RADX: variants seen among roughly 807,000 people sequenced by gnomAD.
The protein encoded by RADX is RPA1 related single stranded DNA binding protein, X-linked, also known as RPA-related protein RADX.
RADX carries 36 observed loss-of-function variants against 61.6 expected under a neutral mutation model. The observed-to-expected ratio is 0.58, with a 90% CI of 0.45 to 0.77. RADX has a LOEUF of 0.77. RADX is among the 30% of genes least tolerant of loss of function. RADX has a pLI of 0.00. For missense variants in RADX, 497 were observed against 651.1 expected (o/e 0.76, Z 2.58); for synonymous variants, 272 against 237.9 (o/e 1.14, Z -1.32).
intron 11 of RADX, among the ~76,000 whole-genome samples, chrX:106,661,302 A>G (rs1407220889): frequency 2.2e-4 from 24 of 110,605 alleles, no homozygotes; most frequent in Non-Finnish European, 3.8e-5. Context: ...TTTGTTTTCC[A>G]TAAAGGAGTG....
intron 1 of RADX, among the ~76,000 whole-genome samples, chrX:106,612,970 C>CT: frequency 9.0e-6 from 1 of 111,507 alleles, no homozygotes; most frequent in Middle Eastern, 4.6e-3. Flanking sequence ...GTGTGTTTGA[C>CT]TACATCTTAA....
intron 12 of RADX, 67 bp downstream of exon 12, chrX:106,662,372 T>C (rs1928123057): frequency 2.0e-6 from 2 of 1,007,194 alleles, no homozygotes; most frequent in Admixed American, 6.2e-5. Flanking sequence ...CTATTTCGCT[T>C]TAAAAATTTA....
rs146262370 is a variant in RADX at position 106,645,988 on chromosome X, C to T, written c.1905-2325C>T. Among the ~76,000 whole-genome samples, 60 of 110,418 alleles carry T rather than the reference C, an allele frequency of 5.4e-4. No homozygotes were observed. In the East Asian group the frequency reaches 9.4e-3, roughly 17 times the overall value. ...TTATATTGTCTTGCTGGATTGACTC[C>T]TTTATCATTATATAGTGATCTTCTT... On this transcript the variant is annotated intron_variant, in intron 10 of 13. Coordinates refer to ENST00000372548, the MANE Select transcript of RADX (RefSeq NM_018015.6).
intron 1 of RADX, 66 bp downstream of exon 1, chrX:106,612,789 G>C: frequency 9.5e-7 from 1 of 1,056,817 alleles, no homozygotes. Flanking sequence ...TGCGTGAACG[G>C]GAAAGGAAAT....
intron 11 of RADX, among the ~76,000 whole-genome samples, chrX:106,659,100 T>C (rs1353540403): frequency 9.0e-6 from 1 of 110,860 alleles, no homozygotes; most frequent in Non-Finnish European, 1.9e-5. Flanking sequence ...GATGGAACCA[T>C]AGGTGTGTGC....
intron 2 of RADX, among the ~76,000 whole-genome samples, chrX:106,624,331 T>C (rs1448306502): frequency 9.0e-6 from 1 of 111,608 alleles, no homozygotes; most frequent in Non-Finnish European, 1.9e-5. Flanking sequence ...TACCTGTTAA[T>C]AGATTTGCTA....
chrX:106,659,965 AT>A (rs1928048847), intron 11 of RADX, among the ~76,000 whole-genome samples: 1 of 111,988 alleles, frequency 8.9e-6, no homozygotes, highest in Non-Finnish European at 1.9e-5. Context: ...TAAATACTTA[AT>A]TTTTAAAAAT....
In RADX at chrX:106,648,435, A is replaced by G. The variant is rs4090776; in HGVS notation, c.1978+49A>G. 127 of 854,687 alleles carry G rather than the reference A, an allele frequency of 1.5e-4. No individual in the cohort carries two copies. In the East Asian group the frequency reaches 3.8e-3, roughly 25 times the overall value. The allele number at this position is 854,687 out of a possible 1,213,427, so 70.4% of individuals were successfully genotyped here. On this transcript the variant is annotated intron_variant, in intron 11 of 13. Coordinates refer to ENST00000372548, the MANE Select transcript of RADX (RefSeq NM_018015.6). ...ATTTATGAAAACTTTATGAAACATT[A>G]TTCTATGAAGATTACTATTTAATTA... is the stretch of plus-strand genomic sequence containing the variant.
intron 13 of RADX, among the ~76,000 whole-genome samples, chrX:106,676,507 G>C: frequency 8.9e-6 from 1 of 112,091 alleles, no homozygotes; most frequent in Middle Eastern, 4.6e-3. Flanking sequence ...ATGCCTTCAT[G>C]CCAGCTTGTC....
At chrX:106,627,872 G>T (rs1927110392) in intron 3 of RADX, among the ~76,000 whole-genome samples, 1 of 111,447 alleles carries the variant, frequency 9.0e-6, no homozygotes, top group African/African-American at 3.3e-5. Flanking sequence ...GTCTCACTTT[G>T]TCACCCAGGC....
At chrX:106,665,863 C>T (rs1330726590) in intron 12 of RADX, among the ~76,000 whole-genome samples, 1 of 111,301 alleles carries the variant, frequency 9.0e-6, no homozygotes, top group Non-Finnish European at 1.9e-5. Context: ...ATTAGTCTTC[C>T]TTCTTTCCCA....
chrX:106,660,926 A>T (rs926059530), intron 11 of RADX, among the ~76,000 whole-genome samples: 1 of 111,666 alleles, frequency 9.0e-6, no homozygotes, highest in African/African-American at 3.3e-5. Flanking sequence ...GCCTCAGGAA[A>T]CCTACAATCA....
intron 1 of RADX, 44 bp from the exon 2 acceptor site, chrX:106,622,607 A>G (rs1926978704): frequency 1.0e-6 from 1 of 997,174 alleles, no homozygotes. Context: ...TGAAGTTACC[A>G]TTACATGTTA....
chrX:106,651,612 A>G, intron 11 of RADX, among the ~76,000 whole-genome samples: 1 of 111,853 alleles, frequency 8.9e-6, no homozygotes, highest in East Asian at 2.8e-4. Context: ...ATTTGAAACA[A>G]AGTAGAATGA....
chrX:106,635,499 T>C (rs1404176974), intron 6 of RADX, among the ~76,000 whole-genome samples: 1 of 111,815 alleles, frequency 8.9e-6, no homozygotes, highest in East Asian at 2.8e-4. Flanking sequence ...ATCAACACCT[T>C]TAGCCATTAG....
intron 11 of RADX, among the ~76,000 whole-genome samples, chrX:106,654,169 C>G (rs967072808): frequency 1.8e-5 from 2 of 111,455 alleles, no homozygotes; most frequent in Non-Finnish European, 3.8e-5. Flanking sequence ...TAAAAGCATT[C>G]CTATTTCTCC....
At chrX:106,636,468 A>G (rs181557365) in intron 6 of RADX, 75 bp from the exon 7 acceptor site, 116 of 557,518 alleles carry the variant, frequency 2.1e-4, no homozygotes, top group Admixed American at 3.9e-4. Flanking sequence ...TTTGAGAAGC[A>G]TTGTGTTAGA....
intron 1 of RADX, among the ~76,000 whole-genome samples, chrX:106,617,286 A>G (rs766043466): frequency 1.8e-5 from 2 of 109,836 alleles, no homozygotes; most frequent in South Asian, 7.9e-4. Context: ...TCAGCTTCCC[A>G]AAGTGCTGGG....
At chrX:106,646,714 G>A (rs998659440) in intron 10 of RADX, among the ~76,000 whole-genome samples, 2 of 111,141 alleles carry the variant, frequency 1.8e-5, no homozygotes, top group East Asian at 5.6e-4. Flanking sequence ...AAAGAAAAGC[G>A]TGAAGGTTTA....
Sources: allele counts gnomAD v4.1 joint callset (sites outside exome capture counted in the v4.1 genomes callset), GRCh38; gene constraint gnomAD v4.1.1; transcripts MANE v1.5; gene names NCBI Gene and HGNC (gene_info 2026-07-23, HGNC 2026-07-21).